The following WASF1 variants were observed in gnomAD, a reference collection of about 807,000 sequenced individuals.
The protein encoded by WASF1 is WASP family member 1, also known as actin-binding protein WASF1.
WASF1 carries 7 observed loss-of-function variants against 50.5 expected under a neutral mutation model. The ratio of observed to expected loss-of-function variants is 0.14; its 90% CI spans 0.08 to 0.26. WASF1 has a LOEUF of 0.26. Ranked by LOEUF, WASF1 falls within the 10% of genes least tolerant of loss-of-function variation. WASF1 has a pLI of 1.00. For missense variants in WASF1, 470 were observed against 694.7 expected, an observed-to-expected ratio of 0.68 and a Z score of 3.64; for synonymous variants, 205 against 244.0, an observed-to-expected ratio of 0.84 and a Z score of 1.49.
intron 3 of WASF1, among the ~76,000 whole-genome samples, chr6:110,142,761 T>C (rs1053491293): frequency 6.6e-6 from 1 of 152,068 alleles, no homozygotes. Flanking sequence ...AAACATTGCA[T>C]AGAATGAACC....
rs1334378227 is a variant in WASF1 at position 110,100,107 on chromosome 6, AG to A, written c.*414del. The A allele has an allele frequency of 6.5e-6, 1 of 154,096 alleles. No individual in the cohort carries two copies. The highest frequency in any genetic ancestry group is 1.4e-5 in the Non-Finnish European group (1 of 69,108). 9.5% of individuals were successfully genotyped at this position (154,096 alleles called of 1,614,324 possible). On this transcript the variant is annotated 3_prime_UTR_variant, in exon 11 of 11. Coordinates refer to ENST00000392589, the MANE Select transcript of WASF1 (RefSeq NM_003931.3). ...CTGAGTGTATTCGTATAATCAAGGC[AG>A]TGTTTCTTCTTTTAAAACATCAGGA...
At chr6:110,141,918 C>T (rs1378367298) in intron 3 of WASF1, among the ~76,000 whole-genome samples, 5 of 151,830 alleles carry the variant, frequency 3.3e-5, no homozygotes, top group Non-Finnish European at 7.4e-5. Context: ...ATTACAGGTG[C>T]GCACCGCCAC....
chr6:110,161,749 CACTT>C (rs1050137626), intron 2 of WASF1, among the ~76,000 whole-genome samples: 1 of 151,488 alleles, frequency 6.6e-6, no homozygotes, highest in Non-Finnish European at 1.5e-5. Flanking sequence ...CCAGATTTCT[CACTT>C]ACTATGATGA....
intron 3 of WASF1, among the ~76,000 whole-genome samples, chr6:110,153,583 A>G (rs1205361533): frequency 6.6e-6 from 1 of 152,096 alleles, no homozygotes; most frequent in Non-Finnish European, 1.5e-5. Flanking sequence ...GTATCTCATA[A>G]TTTTAATTTG....
chr6:110,103,582 G>T, intron 8 of WASF1, 25 bp from the exon 9 acceptor site: 2 of 1,553,504 alleles, frequency 1.3e-6, no homozygotes, highest in South Asian at 1.2e-5. Context: ...TAGTATCAGT[G>T]AATTATTCTT....
chr6:110,137,369 A>T (rs1775016168), intron 3 of WASF1, among the ~76,000 whole-genome samples: 1 of 152,206 alleles, frequency 6.6e-6, no homozygotes, highest in Non-Finnish European at 1.5e-5. Flanking sequence ...TATTCTGATA[A>T]TCCTTTTCTA....
At chr6:110,120,840 T>G (rs986054997) in intron 4 of WASF1, among the ~76,000 whole-genome samples, 8 of 152,026 alleles carry the variant, frequency 5.3e-5, no homozygotes, top group Non-Finnish European at 7.4e-5. Context: ...AAAACAGAGA[T>G]ATAGACCAAT....
intron 3 of WASF1, among the ~76,000 whole-genome samples, chr6:110,145,929 CAAT>C (rs1163926562): frequency 5.2e-5 from 7 of 134,860 alleles, no homozygotes; most frequent in African/African-American, 2.0e-4. Context: ...GGGAATTGAA[CAAT>C]GAGAACACAT....
chr6:110,119,336 A>G (rs1280166875), intron 4 of WASF1, among the ~76,000 whole-genome samples: 1 of 152,212 alleles, frequency 6.6e-6, no homozygotes, highest in African/African-American at 2.4e-5. Context: ...AAATAGACAC[A>G]ATAAAAAATG....
intron 2 of WASF1, among the ~76,000 whole-genome samples, chr6:110,176,323 G>C (rs1776926890): frequency 6.6e-6 from 1 of 152,008 alleles, no homozygotes; most frequent in Middle Eastern, 3.4e-3. Flanking sequence ...CTTCTATCTA[G>C]TGTAGGAAAA....
intron 3 of WASF1, among the ~76,000 whole-genome samples, chr6:110,143,945 C>T (rs537636221): frequency 6.6e-6 from 1 of 152,250 alleles, no homozygotes; most frequent in South Asian, 2.1e-4. Flanking sequence ...GTCTTTATAG[C>T]AGCATGATTT....
chr6:110,178,609 G>A lies in WASF1; in HGVS notation c.-138C>T, dbSNP rs1413302716. 1.3e-5 allele frequency: 2 copies of A among 152,602 alleles called. No individual in the cohort carries two copies. The highest frequency in any genetic ancestry group is 2.1e-4 in the South Asian group (1 of 4,828). The allele number at this position is 152,602 out of a possible 1,614,324, so 9.5% of individuals were successfully genotyped here. On this transcript the variant is annotated 5_prime_UTR_variant, in exon 2 of 11. Coordinates refer to ENST00000392589, the MANE Select transcript of WASF1 (RefSeq NM_003931.3). ...TCGTATTTAAGTACCTAGTCTAGCT[G>A]GGGATCAATTAATTAATCGGTTATA...
At chr6:110,153,286 GAT>G (rs1775905083) in intron 3 of WASF1, among the ~76,000 whole-genome samples, 1 of 152,120 alleles carries the variant, frequency 6.6e-6, no homozygotes, top group Non-Finnish European at 1.5e-5. Flanking sequence ...TCTAGGTGAA[GAT>G]AGGGAGCCAG....
intron 3 of WASF1, among the ~76,000 whole-genome samples, chr6:110,144,728 C>A (rs1157230429): frequency 6.6e-6 from 1 of 152,126 alleles, no homozygotes; most frequent in Non-Finnish European, 1.5e-5. Context: ...GGAATCCTTT[C>A]CCCATTTCTT....
At chr6:110,163,863 A>C (rs572144257) in intron 2 of WASF1, among the ~76,000 whole-genome samples, 13 of 151,714 alleles carry the variant, frequency 8.6e-5, no homozygotes, top group African/African-American at 2.9e-4. Context: ...GGAGAAATAG[A>C]AAAATAGTTC....
chr6:110,142,899 C>T (rs573343057), intron 3 of WASF1, among the ~76,000 whole-genome samples: 50 of 145,988 alleles, frequency 3.4e-4, no homozygotes, highest in African/African-American at 2.3e-4. Context: ...TTGAATTTCC[C>T]GACTATTATA....
Position 110,101,993 on chromosome 6 carries a change from C to A in WASF1, c.1117G>T (p.Ala373Ser). Residue 373 changes from alanine to serine, a missense_variant, in exon 10 of 11, where the codon GCT becomes TCT. Around this residue, in one of 3 missense-constraint regions of WASF1, gnomAD observed 294 missense variants for 343.5 expected, o/e 0.86. Transcript: ENST00000392589. ...LQAPAVPPPP[A>S]PLQIAPGVLH... ...ACTCCAGGGGCAATCTGAAGAGGAG[C>A]TGGAGGTGGTGGTACTGCTGGAGCT... 1 of 1,573,432 alleles carries A rather than the reference C, an allele frequency of 6.4e-7. No homozygotes were observed. Among genetic ancestry groups the A allele is most frequent in the Non-Finnish European group, 8.6e-7 (1 of 1,160,826 alleles).
chr6:110,147,187 A>G (rs1290392143), intron 3 of WASF1, among the ~76,000 whole-genome samples: 1 of 151,988 alleles, frequency 6.6e-6, no homozygotes, highest in Non-Finnish European at 1.5e-5. Context: ...CTCTACTAAA[A>G]ATACAAAAAT....
At chr6:110,171,485 A>G (rs6568634) in intron 2 of WASF1, among the ~76,000 whole-genome samples, 30,953 of 152,014 alleles carry the variant, frequency 0.2, 4,338 homozygotes, top group African/African-American at 0.4. Context: ...CGCAGTTTAT[A>G]ACGGGGTTGT....
Sources: gnomAD v4.1 joint callset for allele counts (sites outside exome capture counted in the v4.1 genomes callset) on GRCh38, gnomAD v4.1.1 for gene constraint, gnomAD v4.1.1 regional missense constraint, MANE v1.5 for transcripts, NCBI Gene and HGNC (gene_info 2026-07-23, HGNC 2026-07-21) for gene names.